ZNF45: variants seen among roughly 807,000 people sequenced by gnomAD.
ZNF45 encodes zinc finger protein 45.
A neutral mutation model predicts 12.0 loss-of-function variants in ZNF45; 4 were observed. The ratio of observed to expected loss-of-function variants is 0.33; its 90% CI spans 0.16 to 0.76. The LOEUF (loss-of-function observed/expected upper bound fraction) is 0.76, where lower values mean the gene tolerates loss of function less well. Among genes scored for constraint, ZNF45 ranks in the 30% least tolerant of loss-of-function variants. ZNF45 has a pLI of 0.60. For missense variants in ZNF45, 700 were observed against 813.0 expected (o/e 0.86, Z 1.69); for synonymous variants, 272 against 279.6 (o/e 0.97, Z 0.27).
At chr19:43,925,255 G>C (rs1226211222) in intron 4 of ZNF45, 70 bp downstream of exon 4, 1 of 152,170 alleles carries the variant, frequency 6.6e-6, no homozygotes, top group Non-Finnish European at 1.5e-5. Context: ...AGTTATAAAG[G>C]TTTGTTGTTT....
intron 2 of ZNF45, among the ~76,000 whole-genome samples, chr19:43,933,658 A>C (rs966714411): frequency 1.3e-5 from 2 of 152,220 alleles, no homozygotes; most frequent in Non-Finnish European, 2.9e-5. Context: ...ATAGTAAAAA[A>C]TAAGGGAATA....
intron 9 of ZNF45, among the ~76,000 whole-genome samples, chr19:43,915,675 G>A (rs1271918565): frequency 6.6e-6 from 1 of 152,060 alleles, no homozygotes; most frequent in African/African-American, 2.4e-5. Context: ...GAATCCTATC[G>A]TGAACTGCGC....
intron 3 of ZNF45, among the ~76,000 whole-genome samples, chr19:43,925,888 C>T (rs966125152): frequency 6.6e-6 from 1 of 151,782 alleles, no homozygotes. Flanking sequence ...CCGCCTTGGC[C>T]TCCCAAAGTG....
chr19:43,923,399 TATC>T (rs1326803609), intron 6 of ZNF45, among the ~76,000 whole-genome samples: 1 of 152,222 alleles, frequency 6.6e-6, no homozygotes, highest in Non-Finnish European at 1.5e-5. Context: ...TACAGTATTT[TATC>T]ATTATTCTAT....
intron 9 of ZNF45, 83 bp from the exon 10 acceptor site, chr19:43,915,283 T>A: frequency 7.9e-7 from 1 of 1,261,036 alleles, no homozygotes; most frequent in Non-Finnish European, 1.0e-6. Context: ...CTCGGGCCCA[T>A]AGCCTAAGGC....
rs1161731275 is a variant in ZNF45 at position 43,924,452 on chromosome 19, A to G, written c.-156T>C. The G allele has an allele frequency of 6.6e-6, 1 of 152,260 alleles. No homozygotes were observed. Among genetic ancestry groups the G allele is most frequent in the Non-Finnish European group, 1.5e-5 (1 of 68,054 alleles). The allele number at this position is 152,260 out of a possible 1,614,324, so 9.4% of individuals were successfully genotyped here. A position where few individuals can be genotyped will look rare whatever the true frequency, so the allele number is the denominator to read the frequency against. On this transcript the variant is annotated 5_prime_UTR_variant, in exon 5 of 10. The change abolishes an upstream ATG in the 5' untranslated region. Coordinates refer to ENST00000269973, the MANE Select transcript of ZNF45 (RefSeq NM_003425.4). ...GATGATAATGACGACAATTGTATCC[A>G]TTTAACAGGCGAGGAAGCTGAGGCT...
At chr19:43,931,081 T>A (rs1229091585) in intron 3 of ZNF45, among the ~76,000 whole-genome samples, 3 of 152,128 alleles carry the variant, frequency 2.0e-5, no homozygotes, top group Non-Finnish European at 4.4e-5. Flanking sequence ...ATAGACTATA[T>A]AATCATCTCA....
intron 9 of ZNF45, among the ~76,000 whole-genome samples, chr19:43,916,971 C>CT (rs1315165586): frequency 6.6e-6 from 1 of 151,602 alleles, no homozygotes; most frequent in Non-Finnish European, 1.5e-5. Context: ...CTGATTTTTC[C>CT]TTTTTCAAGT....
rs775908632 is a variant in ZNF45 at position 43,913,989 on chromosome 19, G to A, written c.1447C>T (p.Arg483Trp). The A allele has an allele frequency of 2.4e-5, 39 of 1,611,734 alleles. 1 individual carries two copies. The highest frequency in any genetic ancestry group is 1.9e-4 in the African/African-American group (14 of 74,110). The stretch of plus-strand genomic sequence containing the variant: ...CAGTGTACATTAAGATCTGAGCTCC[G>A]ACTGAAGCCCTTCCCACATGTACCA... ...KCGTCGKGFS[R>W]SSDLNVHCRI... The change falls in exon 10 of 10, where the codon CGG becomes TGG. Residue 483 changes from arginine to tryptophan, a missense_variant. Physicochemically the swap from Arg to Trp is moderately radical, Grantham distance 101 (BLOSUM62 -3). Coordinates refer to ENST00000269973, the MANE Select transcript of ZNF45 (RefSeq NM_003425.4).
At position 43,919,709 on chromosome 19, in the gene ZNF45, CA is replaced by C. The variant is rs1972974810; in HGVS notation, c.16-11del. 1 of 1,609,798 alleles carries C rather than the reference CA, an allele frequency of 6.2e-7. No homozygotes were observed. Among genetic ancestry groups the C allele is most frequent in the South Asian group, 1.1e-5 (1 of 91,022 alleles). On this transcript the variant is annotated splice_polypyrimidine_tract_variant and intron_variant, in intron 7 of 9. Coordinates refer to ENST00000269973, the MANE Select transcript of ZNF45 (RefSeq NM_003425.4). Reference sequence around the variant, plus strand: ...TGAATGTCACTGCCTCCTACAACATCAAACACACTCCACCTAAATCTTGCAA... The same window carrying C: ...TGAATGTCACTGCCTCCTACAACATCAACACACTCCACCTAAATCTTGCAA...
At chr19:43,922,264 A>G (rs1245774896) in intron 6 of ZNF45, 47 bp from the exon 7 acceptor site, 3 of 1,378,062 alleles carry the variant, frequency 2.2e-6, no homozygotes, top group Non-Finnish European at 2.0e-6. Context: ...AAAAGCCATG[A>G]GAGTTTGGCC....
intron 7 of ZNF45, 136 bp from the exon 8 acceptor site, chr19:43,919,835 T>A: frequency 1.1e-6 from 1 of 885,162 alleles, no homozygotes; most frequent in Non-Finnish European, 1.7e-6. Context: ...TTTATTACAG[T>A]TAAACACATA....
chr19:43,930,153 G>A (rs767094313), intron 3 of ZNF45, among the ~76,000 whole-genome samples: 39 of 152,180 alleles, frequency 2.6e-4, no homozygotes, highest in Non-Finnish European at 4.9e-4. Flanking sequence ...AAAGGGGGAT[G>A]GAGGAATGCT....
rs756241689 is a variant in ZNF45 at position 43,914,569 on chromosome 19, T to C, written c.867A>G (p.Ser289=). The change falls in exon 10 of 10, where the codon TCA becomes TCG. Residue 289 remains serine (S), a synonymous_variant. Coordinates refer to ENST00000269973, the MANE Select transcript of ZNF45 (RefSeq NM_003425.4). ...GAACTTTCAGATGAACTTGAAGATA[T>C]GATCTCTGACTGAAGCCCACCCCAC... The part of the protein sequence containing the change: ...EECGVGFSQR[S]YLQVHLKVHT... The C allele has an allele frequency of 2.5e-6, 4 of 1,612,824 alleles. No individual in the cohort carries two copies. The highest frequency in any genetic ancestry group is 3.4e-6 in the Non-Finnish European group (4 of 1,178,998).
In ZNF45 at chr19:43,914,607, TATA is replaced by T; in HGVS notation, c.826_828del (p.Tyr276del). ...AAGCCCACCCCACACTCCTCACATT[TATA>T]GGGTTTCTCTCCCGTATGAACTATC... On this transcript the variant is annotated inframe_deletion, in exon 10 of 10. Transcript: ENST00000269973. The T allele has an allele frequency of 6.2e-7, 1 of 1,613,656 alleles. No individual in the cohort carries two copies. The highest frequency in any genetic ancestry group is 8.5e-7 in the Non-Finnish European group (1 of 1,179,774).
chr19:43,915,645 T>A (rs1972590896), intron 9 of ZNF45, among the ~76,000 whole-genome samples: 1 of 152,186 alleles, frequency 6.6e-6, no homozygotes, highest in South Asian at 2.1e-4. Flanking sequence ...AATGGTGACA[T>A]TAGATTCTTA....
intron 7 of ZNF45, among the ~76,000 whole-genome samples, chr19:43,921,956 TTTCTA>T (rs1973220878): frequency 6.6e-6 from 1 of 152,168 alleles, no homozygotes; most frequent in African/African-American, 2.4e-5. Context: ...GTTACTGACT[TTTCTA>T]TTCTATGCTT....
chr19:43,920,549 A>AGGGGG (rs1973068184), intron 7 of ZNF45, among the ~76,000 whole-genome samples: 1 of 47,116 alleles, frequency 2.1e-5, no homozygotes, highest in Non-Finnish European at 4.7e-5. Context: ...GGGGGGGGGC[A>AGGGGG]GTGGGCGGTA....
At chr19:43,927,168 G>A (rs552859207) in intron 3 of ZNF45, among the ~76,000 whole-genome samples, 3 of 152,078 alleles carry the variant, frequency 2.0e-5, no homozygotes, top group African/African-American at 7.2e-5. Flanking sequence ...CCTCATCTCT[G>A]CTTACTTCTT....
Sources: gnomAD v4.1 joint callset for allele counts (sites outside exome capture counted in the v4.1 genomes callset) on GRCh38, gnomAD v4.1.1 for gene constraint, MANE v1.5 for transcripts, NCBI Gene and HGNC (gene_info 2026-07-23, HGNC 2026-07-21) for gene names.